Variants in CRTC1 observed in about 807,000 individuals in gnomAD.
CRTC1 encodes CREB regulated transcription coactivator 1.
CRTC1 carries 18 observed loss-of-function variants against 66.1 expected under a neutral mutation model. The ratio of observed to expected loss-of-function variants is 0.27; its 90% CI spans 0.19 to 0.40. The LOEUF is 0.40. CRTC1 is among the 10% of genes least tolerant of loss of function. CRTC1 has a pLI of 1.00. For synonymous variants in CRTC1, 416 were observed against 398.8 expected (o/e 1.04, Z -0.51); for missense variants, 669 against 887.9 (o/e 0.75, Z 3.13).
In CRTC1 at chr19:18,779,268, CCT is replaced by C. The variant is rs1205704414; in HGVS notation, c.*1891_*1892del. On this transcript the variant is annotated 3_prime_UTR_variant, in exon 14 of 14. Transcript: ENST00000321949. Reference sequence around the variant, plus strand: ...GGTTTGATCCTAGCAACCATCCCTTCCTCTCTTTGCCCGGCAATGCCTTTGGC... The same window carrying C: ...GGTTTGATCCTAGCAACCATCCCTTCCTCTTTGCCCGGCAATGCCTTTGGC... The C allele has an allele frequency of 1.3e-5, 3 of 229,024 alleles. No homozygotes were observed. The highest frequency in any genetic ancestry group is 2.6e-5 in the Non-Finnish European group (3 of 115,492). 14.2% of individuals were successfully genotyped at this position (229,024 alleles called of 1,614,324 possible). A position where few individuals can be genotyped will look rare whatever the true frequency, so the allele number is the denominator to read the frequency against.
At chr19:18,767,235 G>A (rs915859488) in intron 9 of CRTC1, among the ~76,000 whole-genome samples, 1 of 151,250 alleles carries the variant, frequency 6.6e-6, no homozygotes, top group African/African-American at 2.4e-5. Context: ...GTCTCACTCT[G>A]TCGCCCAGGC....
rs2054104093 is a variant in CRTC1 at position 18,741,231 on chromosome 19, C to G, written c.127-1679C>G. On this transcript the variant is annotated intron_variant, in intron 1 of 13. Transcript: ENST00000321949. This position sits in a 1 kb window ranked among gnomAD's most constrained non-coding sequence, Gnocchi z 4.2. ...TCCCCGCATCCCAGGTTTCCTGTGG[C>G]CCGGGGACATAGTGTAAACAAAGCT... 6.6e-6 allele frequency among the ~76,000 whole-genome samples: 1 copy of G among 152,210 alleles called. No homozygotes were observed. Among genetic ancestry groups the G allele is most frequent in the South Asian group, 2.1e-4 (1 of 4,836 alleles).
At chr19:18,704,260 A>G (rs981508255) in intron 1 of CRTC1, among the ~76,000 whole-genome samples, 1 of 152,054 alleles carries the variant, frequency 6.6e-6, no homozygotes, top group Non-Finnish European at 1.5e-5. Context: ...CTACACCATC[A>G]TGCCTGGCTT....
intron 1 of CRTC1, among the ~76,000 whole-genome samples, chr19:18,686,061 A>G (rs941429492): frequency 1.3e-5 from 2 of 152,102 alleles, no homozygotes; most frequent in African/African-American, 4.8e-5. Flanking sequence ...TTATCCACCC[A>G]GAAAGAAACC....
intron 9 of CRTC1, among the ~76,000 whole-genome samples, chr19:18,766,025 A>G (rs149464190): frequency 5.2e-4 from 78 of 151,410 alleles, no homozygotes; most frequent in Admixed American, 4.8e-3. Context: ...TTGCTTGTCT[A>G]CTTTTTTGGG....
chr19:18,703,729 C>G (rs1045865192), intron 1 of CRTC1, among the ~76,000 whole-genome samples: 2 of 152,142 alleles, frequency 1.3e-5, no homozygotes, highest in African/African-American at 4.8e-5. Flanking sequence ...TCCCAAAGTG[C>G]TAGGATTATA....
At chr19:18,719,327 A>T (rs1384401623) in intron 1 of CRTC1, among the ~76,000 whole-genome samples, 2 of 152,152 alleles carry the variant, frequency 1.3e-5, no homozygotes, top group East Asian at 3.9e-4. Context: ...GGCTAACCCC[A>T]CCGGGTCCCC....
intron 1 of CRTC1, among the ~76,000 whole-genome samples, chr19:18,731,499 A>G (rs2053887555): frequency 6.6e-6 from 1 of 152,148 alleles, no homozygotes; most frequent in Non-Finnish European, 1.5e-5. Flanking sequence ...TCCCGCACTA[A>G]TTACATCTGC....
intron 1 of CRTC1, among the ~76,000 whole-genome samples, chr19:18,723,600 G>A (rs746961305): frequency 2.6e-5 from 4 of 152,268 alleles, no homozygotes; most frequent in Non-Finnish European, 4.4e-5. Context: ...TCCAGTATGG[G>A]TTTCCTAACG....
chr19:18,779,782 A>G lies in CRTC1; in HGVS notation c.*2400A>G, dbSNP rs563092207. On this transcript the variant is annotated 3_prime_UTR_variant, in exon 14 of 14. Coordinates refer to ENST00000321949, the MANE Select transcript of CRTC1 (RefSeq NM_015321.3). The stretch of plus-strand genomic sequence containing the variant: ...ACAGTGACATTGTGTTAACGTGACG[A>G]CCTTGGTCCATTATGGAGTTCTTTT... The G allele has an allele frequency of 4.5e-6, 1 of 223,632 alleles. No individual in the cohort carries two copies. The highest frequency in any genetic ancestry group is 2.2e-5 in the African/African-American group (1 of 44,668). The allele number at this position is 223,632 out of a possible 1,614,324, so 13.9% of individuals were successfully genotyped here. A position where few individuals can be genotyped will look rare whatever the true frequency, so the allele number is the denominator to read the frequency against.
intron 1 of CRTC1, among the ~76,000 whole-genome samples, chr19:18,723,176 AG>A (rs1327887905): frequency 6.6e-6 from 1 of 152,122 alleles, no homozygotes; most frequent in Non-Finnish European, 1.5e-5. Flanking sequence ...CCTGACCTCA[AG>A]TGATCCACCT....
At position 18,768,688 on chromosome 19, in the gene CRTC1, T is replaced by C; in HGVS notation, c.1215T>C (p.Thr405=). The C allele has an allele frequency of 6.4e-7, 1 of 1,555,768 alleles. No individual in the cohort carries two copies. The highest frequency in any genetic ancestry group is 8.7e-7 in the Non-Finnish European group (1 of 1,151,440). Residue 405 remains threonine, a synonymous_variant, in exon 10 of 14, where the codon ACT becomes ACC. Coordinates refer to ENST00000321949, the MANE Select transcript of CRTC1 (RefSeq NM_015321.3). The surrounding 1 kb of genome is among the most constrained non-coding windows in gnomAD (Gnocchi z 5.6). ...GGPLLPSASL[T]RGPQPPPLAV... ...CCCTGTTGCCCAGCGCCAGCCTGAC[T>C]CGTGGGCCACAGCCGCCCCCGCTTG...
At chr19:18,775,870 C>A in intron 13 of CRTC1, 49 bp downstream of exon 13, 1 of 1,509,360 alleles carries the variant, frequency 6.6e-7, no homozygotes, top group East Asian at 2.3e-5. Context: ...GGGCCTCAGC[C>A]CGTGCGGAGA....
At chr19:18,701,861 G>A (rs1315973100) in intron 1 of CRTC1, among the ~76,000 whole-genome samples, 1 of 150,850 alleles carries the variant, frequency 6.6e-6, no homozygotes, top group African/African-American at 2.4e-5. Flanking sequence ...CAAATGATCC[G>A]CCCACCTTGG....
chr19:18,722,232 G>A (rs1013067501), intron 1 of CRTC1, among the ~76,000 whole-genome samples: 10 of 152,216 alleles, frequency 6.6e-5, no homozygotes, highest in Non-Finnish European at 1.3e-4. Context: ...CTTGTCTGGG[G>A]CCCCTTGGCT....
chr19:18,722,509 GAC>G (rs747581876), intron 1 of CRTC1, among the ~76,000 whole-genome samples: 1 of 152,340 alleles, frequency 6.6e-6, no homozygotes, highest in East Asian at 1.9e-4. Flanking sequence ...AAGAGGAGAA[GAC>G]ACAGGCACAC....
At chr19:18,737,408 C>G (rs1432033049) in intron 1 of CRTC1, among the ~76,000 whole-genome samples, 1 of 152,032 alleles carries the variant, frequency 6.6e-6, no homozygotes, top group Non-Finnish European at 1.5e-5. Context: ...CATCTGAGAT[C>G]GGGTGGCTTC....
At chr19:18,776,702 T>C (rs1008788976) in intron 13 of CRTC1, among the ~76,000 whole-genome samples, 3 of 152,210 alleles carry the variant, frequency 2.0e-5, no homozygotes, top group Non-Finnish European at 4.4e-5. Context: ...ACCTGGAACC[T>C]GAGTGTAGGT....
chr19:18,714,924 C>T (rs1022855928), intron 1 of CRTC1, among the ~76,000 whole-genome samples: 3 of 152,240 alleles, frequency 2.0e-5, no homozygotes, highest in African/African-American at 4.8e-5. Flanking sequence ...GCCTGGGCTT[C>T]GGGAAGGATT....
Sources: allele counts gnomAD v4.1 joint callset (sites outside exome capture counted in the v4.1 genomes callset), GRCh38; gene constraint gnomAD v4.1.1; non-coding constraint Gnocchi (gnomAD v3.1); transcripts MANE v1.5; gene names NCBI Gene and HGNC (gene_info 2026-07-23, HGNC 2026-07-21).